Variants in KCNH7 observed in about 807,000 individuals in gnomAD.
KCNH7 encodes potassium voltage-gated channel subfamily H member 7, also known as voltage-gated inwardly rectifying potassium channel KCNH7.
In KCNH7, 49 loss-of-function variants were observed where a neutral mutation model predicts 120.8. The ratio of observed to expected loss-of-function variants is 0.41; its 90% CI spans 0.32 to 0.51. The LOEUF is 0.51. KCNH7 is among the 20% of genes least tolerant of loss of function. The pLI is 0.38. For synonymous variants in KCNH7, 547 were observed against 516.1 expected, an observed-to-expected ratio of 1.06 and a Z score of -0.81; for missense variants, 1,097 against 1,446.6, an observed-to-expected ratio of 0.76 and a Z score of 3.92.
chr2:162,665,618 C>G (rs796247715), intron 2 of KCNH7, among the ~76,000 whole-genome samples: 2 of 152,132 alleles, frequency 1.3e-5, no homozygotes, highest in African/African-American at 4.8e-5. Context: ...CTGTTGCAAA[C>G]TAGAAAAAGA....
At chr2:162,407,725 G>C (rs572702875) in intron 9 of KCNH7, among the ~76,000 whole-genome samples, 1 of 151,932 alleles carries the variant, frequency 6.6e-6, no homozygotes, top group African/African-American at 2.4e-5. Flanking sequence ...GAGAGGTAGT[G>C]GGGGAAGGGA....
rs189186718 is a variant in KCNH7 at position 162,605,731 on chromosome 2, A to G, written c.308-68651T>C. Among the ~76,000 whole-genome samples, 463 of 152,240 alleles carry G rather than the reference A, an allele frequency of 3.0e-3. 2 individuals carry two copies. The highest frequency in any genetic ancestry group is 0.011 in the African/African-American group (441 of 41,582). On this transcript the variant is annotated intron_variant, in intron 2 of 15. Transcript: ENST00000332142. The stretch of plus-strand genomic sequence containing the variant: ...TTTCGCTGATGGAAAATATTCTAAT[A>G]TAAGAAGATATTCCAGTTGCTTAAA...
intron 6 of KCNH7, among the ~76,000 whole-genome samples, chr2:162,498,042 A>G (rs1473741097): frequency 6.6e-6 from 1 of 152,126 alleles, no homozygotes; most frequent in East Asian, 1.9e-4. Context: ...TTTCTTGAGT[A>G]CTTTCCTTAG....
chr2:162,469,248 A>C (rs1162852765), intron 6 of KCNH7, among the ~76,000 whole-genome samples: 1 of 152,192 alleles, frequency 6.6e-6, no homozygotes, highest in African/African-American at 2.4e-5. Flanking sequence ...GTCAATTCAT[A>C]TAAACCAACA....
rs1048094398 is a variant in KCNH7 at position 162,499,743 on chromosome 2, C to T, written c.1128+4700G>A. Among the ~76,000 whole-genome samples the T allele has an allele frequency of 1.2e-4, 19 of 152,086 alleles. 1 individual carries two copies. The highest frequency in any genetic ancestry group is 4.1e-4 in the South Asian group (2 of 4,828). On this transcript the variant is annotated intron_variant, in intron 6 of 15. Transcript: ENST00000332142. ...TGGTTCATTTGAATCATTTAAGATG[C>T]TACTATGTGTCATATAATCATACCA...
At chr2:162,528,989 AATGT>A (rs1691818047) in intron 3 of KCNH7, among the ~76,000 whole-genome samples, 1 of 151,956 alleles carries the variant, frequency 6.6e-6, no homozygotes, top group African/African-American at 2.4e-5. Flanking sequence ...GACTATTCAT[AATGT>A]ATGAAAAGGA....
Position 162,517,990 on chromosome 2 carries a change from G to T in KCNH7, c.632C>A (p.Ser211Tyr). 1 of 1,612,484 alleles carries T rather than the reference G, an allele frequency of 6.2e-7. No individual in the cohort carries two copies. Among genetic ancestry groups the T allele is most frequent in the Non-Finnish European group, 8.5e-7 (1 of 1,178,934 alleles). ...KSPTKESCSPSEADDTKALIQ... is the reference protein window; with the variant it reads ...KSPTKESCSPYEADDTKALIQ... Reference sequence around the variant, plus strand: ...CAAAGCTTTTGTGTCATCTGCTTCAGAGGGGCTGCAGCTTTCTTTTGTAGG... The same window carrying T: ...CAAAGCTTTTGTGTCATCTGCTTCATAGGGGCTGCAGCTTTCTTTTGTAGG... The change falls in exon 4 of 16, where the codon TCT (serine) becomes TAT (tyrosine). Residue 211 changes from serine (S) to tyrosine (Y), a missense_variant. By Grantham distance (144) the Ser-to-Tyr change is moderately radical. Around this residue, in one of 8 missense-constraint regions of KCNH7, gnomAD observed 362 missense variants for 372.2 expected, o/e 0.97. Transcript: ENST00000332142.
In KCNH7 at chr2:162,611,605, C is replaced by A. The variant is rs141833779; in HGVS notation, c.308-74525G>T. 4.5e-3 allele frequency among the ~76,000 whole-genome samples: 680 copies of A among 152,238 alleles called. 7 individuals carry two copies. The highest frequency in any genetic ancestry group is 0.016 in the African/African-American group (653 of 41,538). ...ATGGATTAGGTGTTAAGTTACTGTT[C>A]TAAAACTGAGAAGCCCATGAGGCTA... On this transcript the variant is annotated intron_variant, in intron 2 of 15. Coordinates refer to ENST00000332142, the MANE Select transcript of KCNH7 (RefSeq NM_033272.4).
intron 2 of KCNH7, among the ~76,000 whole-genome samples, chr2:162,659,284 T>C (rs954420982): frequency 3.3e-5 from 5 of 152,220 alleles, no homozygotes; most frequent in African/African-American, 1.2e-4. Flanking sequence ...TTTCAAATGT[T>C]AAAGTAGCCT....
chr2:162,496,410 A>AT (rs547940163), intron 6 of KCNH7, among the ~76,000 whole-genome samples: 349 of 152,106 alleles, frequency 2.3e-3, no homozygotes, highest in Middle Eastern at 0.01. Context: ...CACTGGGGGG[A>AT]TGGAGGGGAG....
At chr2:162,494,857 A>G (rs1349814351) in intron 6 of KCNH7, among the ~76,000 whole-genome samples, 1 of 152,186 alleles carries the variant, frequency 6.6e-6, no homozygotes, top group Non-Finnish European at 1.5e-5. Context: ...AATATCAAGC[A>G]GAACAAGAGT....
At chr2:162,647,896 G>A (rs2105252215) in intron 2 of KCNH7, among the ~76,000 whole-genome samples, 1 of 152,252 alleles carries the variant, frequency 6.6e-6, no homozygotes, top group East Asian at 1.9e-4. Context: ...CATATCCCTA[G>A]TTTGCCTGTG....
At chr2:162,422,791 G>T (rs563041295) in intron 9 of KCNH7, among the ~76,000 whole-genome samples, 1 of 152,134 alleles carries the variant, frequency 6.6e-6, no homozygotes, top group South Asian at 2.1e-4. Flanking sequence ...CAGTAAAAGG[G>T]CACAGCGTAG....
chr2:162,645,103 C>T (rs144186823), intron 2 of KCNH7, among the ~76,000 whole-genome samples: 460 of 151,984 alleles, frequency 3.0e-3, no homozygotes, highest in African/African-American at 0.011. Flanking sequence ...TTTAAAAATC[C>T]CCATGGCACT....
chr2:162,634,893 A>ATATTAAAC (rs1476275689), intron 2 of KCNH7, among the ~76,000 whole-genome samples: 1 of 152,116 alleles, frequency 6.6e-6, no homozygotes, highest in Non-Finnish European at 1.5e-5. Context: ...AAATATTAAA[A>ATATTAAAC]TAGTCAGAAA....
Position 162,517,994 on chromosome 2 carries a change from G to T in KCNH7, c.628C>A (p.Pro210Thr). Residue 210 changes from proline to threonine, a missense_variant, in exon 4 of 16, where the codon CCC becomes ACC. This residue lies in a region of KCNH7 where 362 missense variants were observed against 372.2 expected (regional missense o/e 0.97). Coordinates refer to ENST00000332142, the MANE Select transcript of KCNH7 (RefSeq NM_033272.4). ...GCTTTTGTGTCATCTGCTTCAGAGG[G>T]GCTGCAGCTTTCTTTTGTAGGAGAC... ...FKSPTKESCS[P>T]SEADDTKALI... 6.2e-7 allele frequency: 1 copy of T among 1,612,344 alleles called. No individual in the cohort carries two copies. The highest frequency in any genetic ancestry group is 8.5e-7 in the Non-Finnish European group (1 of 1,178,906).
At chr2:162,759,487 G>T (rs1320311574) in intron 2 of KCNH7, among the ~76,000 whole-genome samples, 1 of 152,016 alleles carries the variant, frequency 6.6e-6, no homozygotes, top group Non-Finnish European at 1.5e-5. Context: ...CCCTGTCAAG[G>T]TTTCTCAGCC....
chr2:162,629,884 A>G (rs1683704032), intron 2 of KCNH7, among the ~76,000 whole-genome samples: 1 of 152,134 alleles, frequency 6.6e-6, no homozygotes, highest in Non-Finnish European at 1.5e-5. Context: ...AGATATAACA[A>G]TACTAGAATT....
At chr2:162,641,352 A>T (rs1684149937) in intron 2 of KCNH7, among the ~76,000 whole-genome samples, 1 of 152,164 alleles carries the variant, frequency 6.6e-6, no homozygotes, top group Non-Finnish European at 1.5e-5. Context: ...ATATGCAAAA[A>T]CCTGAGTTAA....
Sources: allele counts gnomAD v4.1 joint callset (sites outside exome capture counted in the v4.1 genomes callset), GRCh38; gene constraint gnomAD v4.1.1; regional missense constraint gnomAD v4.1.1; transcripts MANE v1.5; gene names NCBI Gene and HGNC (gene_info 2026-07-23, HGNC 2026-07-21).